Variants in GABRG3 observed in about 807,000 individuals in gnomAD.
The protein encoded by GABRG3 is gamma-aminobutyric acid type A receptor subunit gamma3.
A neutral mutation model predicts 48.8 loss-of-function variants in GABRG3; 25 were observed. That is an observed-to-expected ratio of 0.51 (90% CI 0.37 to 0.72). The LOEUF (loss-of-function observed/expected upper bound fraction) is 0.72. Ranked by LOEUF, GABRG3 falls within the 30% of genes least tolerant of loss-of-function variation. GABRG3 has a pLI of 0.00. For synonymous variants in GABRG3, 227 were observed against 217.6 expected (o/e 1.04, Z -0.38); for missense variants, 394 against 577.9 (o/e 0.68, Z 3.26).
chr15:27,320,384 G>C (rs7497139), intron 3 of GABRG3, among the ~76,000 whole-genome samples: 30,152 of 151,894 alleles, frequency 0.2, 5,869 homozygotes, highest in African/African-American at 0.51. Flanking sequence ...GTTATTGTCT[G>C]TCAAGGGTCT....
chr15:27,196,623 A>C (rs1888504557), intron 3 of GABRG3, among the ~76,000 whole-genome samples: 4 of 152,212 alleles, frequency 2.6e-5, no homozygotes, highest in Admixed American at 2.6e-4. Context: ...ATTTAATAAT[A>C]ATTCCTACTT....
At chr15:27,142,912 A>T (rs575873212) in intron 3 of GABRG3, among the ~76,000 whole-genome samples, 2 of 151,850 alleles carry the variant, frequency 1.3e-5, no homozygotes, top group East Asian at 3.9e-4. Flanking sequence ...GAGCTACCAC[A>T]TCTGGCTAAT....
At chr15:27,475,734 A>T (rs1294449948) in intron 5 of GABRG3, among the ~76,000 whole-genome samples, 1 of 151,732 alleles carries the variant, frequency 6.6e-6, no homozygotes, top group Non-Finnish European at 1.5e-5. Flanking sequence ...GATGGTGATG[A>T]TGGTATTGAT....
At chr15:27,208,805 C>T (rs1888967172) in intron 3 of GABRG3, among the ~76,000 whole-genome samples, 1 of 152,124 alleles carries the variant, frequency 6.6e-6, no homozygotes, top group Admixed American at 6.5e-5. Context: ...CTGCTGAGAG[C>T]CAGAAATTAA....
chr15:27,369,261 G>A (rs1296841308), intron 5 of GABRG3, among the ~76,000 whole-genome samples: 1 of 152,186 alleles, frequency 6.6e-6, no homozygotes, highest in African/African-American at 2.4e-5. Context: ...CAAAATAACA[G>A]AATGGTGAAA....
At position 27,309,864 on chromosome 15, in the gene GABRG3, T is replaced by C. The variant is rs144315113; in HGVS notation, c.271-16945T>C. Among the ~76,000 whole-genome samples, 209 of 152,178 alleles carry C rather than the reference T, an allele frequency of 1.4e-3. 1 individual carries two copies. Among genetic ancestry groups the C allele is most frequent in the African/African-American group, 4.5e-3 (187 of 41,542 alleles). On this transcript the variant is annotated intron_variant, in intron 3 of 9. Transcript: ENST00000615808. ...TTATTTCCACATAAAAACCTGTACA[T>C]TAATATTTACAGCAGCTTTACTAAT... is the stretch of plus-strand genomic sequence containing the variant.
chr15:27,510,632 GAAATTTCT>G (rs1890874543), intron 6 of GABRG3, among the ~76,000 whole-genome samples: 1 of 152,202 alleles, frequency 6.6e-6, no homozygotes, highest in African/African-American at 2.4e-5. Context: ...TGATCAGATA[GAAATTTCT>G]AGCTGAATAA....
intron 5 of GABRG3, chr15:27,362,309 A>C (rs1007964283): frequency 1.3e-5 from 2 of 152,252 alleles, no homozygotes; most frequent in African/African-American, 4.8e-5. Flanking sequence ...TGACAGAATT[A>C]GGTGACCATG....
intron 2 of GABRG3, among the ~76,000 whole-genome samples, chr15:27,003,167 T>C (rs898722279): frequency 6.7e-6 from 1 of 149,962 alleles, no homozygotes; most frequent in Admixed American, 6.6e-5. Context: ...TATTTTTTTA[T>C]TTTTTATTTT....
chr15:27,007,671 T>G (rs1174910066), intron 2 of GABRG3, among the ~76,000 whole-genome samples: 2 of 152,194 alleles, frequency 1.3e-5, no homozygotes, highest in African/African-American at 2.4e-5. Context: ...TGACCAGTGA[T>G]GTTGAGCATT....
chr15:27,303,700 T>A (rs971334519), intron 3 of GABRG3, among the ~76,000 whole-genome samples: 2 of 151,514 alleles, frequency 1.3e-5, no homozygotes, highest in Non-Finnish European at 3.0e-5. Flanking sequence ...TGTGTATATA[T>A]ATATATCCAT....
intron 6 of GABRG3, among the ~76,000 whole-genome samples, chr15:27,491,383 G>T (rs1318265620): frequency 6.6e-6 from 1 of 152,216 alleles, no homozygotes; most frequent in African/African-American, 2.4e-5. Context: ...CAGACAGGCA[G>T]CCCAGTCCAG....
chr15:27,450,732 TG>T (rs529120128), intron 5 of GABRG3, among the ~76,000 whole-genome samples: 5 of 149,474 alleles, frequency 3.3e-5, no homozygotes, highest in East Asian at 2.0e-4. Flanking sequence ...ATGTCGGGGG[TG>T]GGGGGGTGGC....
intron 3 of GABRG3, among the ~76,000 whole-genome samples, chr15:27,290,876 T>C (rs1566996275): frequency 1.3e-5 from 2 of 152,124 alleles, no homozygotes; most frequent in African/African-American, 4.8e-5. Flanking sequence ...ACATATACCA[T>C]ACTAATGTAA....
Position 27,480,762 on chromosome 15 carries a change from C to A in GABRG3, c.687C>A (p.Thr229=). ...YQFDFMGLRN[T]TEIVTTSAGD... ...TTGACTTCATGGGCCTCAGAAACACCACAGAAATCGTGACAACGTCTGCAG... is the reference window on the plus strand; with the variant it reads ...TTGACTTCATGGGCCTCAGAAACACAACAGAAATCGTGACAACGTCTGCAG... The change falls in exon 6 of 10, where the codon ACC becomes ACA. Residue 229 remains threonine, a synonymous_variant. Transcript: ENST00000615808. 6.2e-7 allele frequency: 1 copy of A among 1,613,742 alleles called. No homozygotes were observed. The highest frequency in any genetic ancestry group is 8.5e-7 in the Non-Finnish European group (1 of 1,179,822).
chr15:27,146,393 C>T (rs1898210146), intron 3 of GABRG3, among the ~76,000 whole-genome samples: 1 of 152,086 alleles, frequency 6.6e-6, no homozygotes, highest in Admixed American at 6.5e-5. Context: ...GGATGCGGAG[C>T]TTGCAGTGAG....
chr15:27,502,751 A>G (rs4335733), intron 6 of GABRG3, among the ~76,000 whole-genome samples: 19,427 of 152,236 alleles, frequency 0.13, 2,408 homozygotes, highest in African/African-American at 0.32. Flanking sequence ...GGAAATACTT[A>G]TTTCAGATTA....
rs773191845 is a variant in GABRG3, at chr15:27,527,613, C to A, written c.1046C>A (p.Thr349Lys). The change falls in exon 8 of 10, where the codon ACG (threonine) becomes AAG (lysine). Residue 349 changes from threonine to lysine, a missense_variant. By Grantham distance (78) the Thr-to-Lys change is moderately conservative. Coordinates refer to ENST00000615808, the MANE Select transcript of GABRG3 (RefSeq NM_033223.5). Reference protein sequence around the residue: ...YYSSCRKPTTTKKTTSLLHPD... With the variant: ...YYSSCRKPTTKKKTTSLLHPD... ...TCCAGCTGTAGAAAACCAACCACCA[C>A]GAAGAAGACAACATCGGTGAGCTGC... 6.2e-7 allele frequency: 1 copy of A among 1,610,642 alleles called. No individual in the cohort carries two copies. The highest frequency in any genetic ancestry group is 2.2e-5 in the East Asian group (1 of 44,784).
chr15:27,114,277 C>T (rs149470298), intron 3 of GABRG3, among the ~76,000 whole-genome samples: 19 of 152,250 alleles, frequency 1.2e-4, no homozygotes, highest in Non-Finnish European at 2.1e-4. Context: ...TACTGATTGC[C>T]ATTACAGTAG....
Sources: allele counts gnomAD v4.1 joint callset (sites outside exome capture counted in the v4.1 genomes callset), GRCh38; gene constraint gnomAD v4.1.1; transcripts MANE v1.5; gene names NCBI Gene and HGNC (gene_info 2026-07-23, HGNC 2026-07-21).